The following PPM1G variants were observed in gnomAD, a reference collection of about 807,000 sequenced individuals.
The protein encoded by PPM1G is protein phosphatase 1G.
A neutral mutation model predicts 59.4 loss-of-function variants in PPM1G; 12 were observed. The ratio of observed to expected loss-of-function variants is 0.20; its 90% CI spans 0.13 to 0.33. PPM1G has a LOEUF of 0.33. PPM1G is among the 10% of genes least tolerant of loss of function. The pLI is 1.00. For missense variants in PPM1G, 392 were observed against 681.3 expected, an observed-to-expected ratio of 0.58 and a Z score of 4.73; for synonymous variants, 245 against 251.9, an observed-to-expected ratio of 0.97 and a Z score of 0.26.
intron 1 of PPM1G, among the ~76,000 whole-genome samples, chr2:27,392,525 C>A (rs1327426032): frequency 6.7e-6 from 1 of 149,768 alleles, no homozygotes; most frequent in Non-Finnish European, 1.5e-5. Context: ...AAACTCCCGA[C>A]CTCAGGTGAT....
In PPM1G at chr2:27,385,381, C is replaced by G. The variant is rs1411719028; in HGVS notation, c.410-293G>C. ...TAAAAACCCTATTCTGGCTGAGGAT[C>G]CAGGAAGCCCACAATGCTACTGTGA... On this transcript the variant is annotated intron_variant, in intron 4 of 9. Transcript: ENST00000344034. The surrounding 1 kb of genome is among the most constrained non-coding windows in gnomAD (Gnocchi z 4.1). 1.2e-5 allele frequency: 5 copies of G among 420,536 alleles called. No homozygotes were observed. Among genetic ancestry groups the G allele is most frequent in the East Asian group, 4.0e-5 (1 of 24,854 alleles). The allele number at this position is 420,536 out of a possible 1,614,324, so 26.1% of individuals were successfully genotyped here.
chr2:27,405,072 AT>A (rs781356301), intron 1 of PPM1G, among the ~76,000 whole-genome samples: 20 of 127,980 alleles, frequency 1.6e-4, no homozygotes, highest in East Asian at 2.3e-4. Flanking sequence ...AACCTACCTC[AT>A]TTTTTTTTTT....
chr2:27,394,763 AAG>A (rs1684004861), intron 1 of PPM1G, among the ~76,000 whole-genome samples: 2 of 150,584 alleles, frequency 1.3e-5, no homozygotes, highest in South Asian at 4.2e-4. Flanking sequence ...AAAAAAAAAA[AAG>A]ATATTCTTGC....
At chr2:27,405,745 T>C in intron 1 of PPM1G, among the ~76,000 whole-genome samples, 1 of 151,824 alleles carries the variant, frequency 6.6e-6, no homozygotes, top group East Asian at 2.0e-4. Context: ...CTGGGCATGG[T>C]GGCTCACAGC....
At position 27,383,958 on chromosome 2, in the gene PPM1G, T is replaced by C; in HGVS notation, c.960A>G (p.Lys320=). Residue 320 remains lysine (K), a synonymous_variant, in exon 6 of 10, where the codon AAA becomes AAG. Transcript: ENST00000344034. This position sits in a 1 kb window ranked among gnomAD's most constrained non-coding sequence, Gnocchi z 5.0. ...GCTCCCCTTCCCCACACACCTCCTCTTTGCCTTCCATCCCTGGCACCATCA... is the reference window on the plus strand; with the variant it reads ...GCTCCCCTTCCCCACACACCTCCTCCTTGCCTTCCATCCCTGGCACCATCA... ...EEMMVPGMEG[K]EEPGSDSGTT... The C allele has an allele frequency of 6.4e-7, 1 of 1,552,928 alleles. No individual in the cohort carries two copies. The highest frequency in any genetic ancestry group is 8.7e-7 in the Non-Finnish European group (1 of 1,147,434).
At chr2:27,394,298 A>C (rs1321568211) in intron 1 of PPM1G, among the ~76,000 whole-genome samples, 1 of 152,240 alleles carries the variant, frequency 6.6e-6, no homozygotes, top group East Asian at 1.9e-4. Flanking sequence ...TTTCATCTTC[A>C]GGAAACACAC....
At position 27,383,129 on chromosome 2, in the gene PPM1G, C is replaced by T. The variant is rs1572659524; in HGVS notation, c.1201+237G>A. Among the ~76,000 whole-genome samples the T allele has an allele frequency of 6.6e-6, 1 of 152,238 alleles. No individual in the cohort carries two copies. Among genetic ancestry groups the T allele is most frequent in the South Asian group, 2.1e-4 (1 of 4,816 alleles). On this transcript the variant is annotated intron_variant, in intron 7 of 9. Transcript: ENST00000344034. The surrounding 1 kb of genome is among the most constrained non-coding windows in gnomAD (Gnocchi z 5.0). ...GGGATTACAGGCGTGAGCCACCACGCCCGGCACTCACAGGTCTTTTTCATC... is the reference window on the plus strand; with the variant it reads ...GGGATTACAGGCGTGAGCCACCACGTCCGGCACTCACAGGTCTTTTTCATC...
intron 1 of PPM1G, among the ~76,000 whole-genome samples, chr2:27,394,741 TAAAAAAA>T (rs397868730): frequency 9.3e-6 from 1 of 107,920 alleles, no homozygotes; most frequent in African/African-American, 3.6e-5. Flanking sequence ...GACTCTGTCT[TAAAAAAA>T]AAAAAAAAAA....
chr2:27,386,320 C>A, intron 2 of PPM1G, 41 bp from the exon 3 acceptor site: 1 of 1,377,200 alleles, frequency 7.3e-7, no homozygotes, highest in South Asian at 1.2e-5. Context: ...GCACTGCTCC[C>A]CACACATAGA....
At chr2:27,390,372 G>T (rs546588816) in intron 1 of PPM1G, among the ~76,000 whole-genome samples, 1 of 152,104 alleles carries the variant, frequency 6.6e-6, no homozygotes, top group South Asian at 2.1e-4. Context: ...TTAAACTCCT[G>T]ATCTCAAATC....
intron 1 of PPM1G, chr2:27,392,900 T>A: frequency 1.4e-6 from 2 of 1,426,372 alleles, no homozygotes; most frequent in Non-Finnish European, 9.8e-7. Flanking sequence ...AATTCTTTGA[T>A]GGCCTTCACT....
In PPM1G at chr2:27,381,533, C is replaced by G; in HGVS notation, c.*66G>C. 6.3e-7 allele frequency: 1 copy of G among 1,592,000 alleles called. No homozygotes were observed. Among genetic ancestry groups the G allele is most frequent in the South Asian group, 1.1e-5 (1 of 90,398 alleles). ...CACTGCTAAGGCTAAAGGAAAAAGA[C>G]AAAACTCAGTCTCAGGTCCGGAGGG... On this transcript the variant is annotated 3_prime_UTR_variant, in exon 10 of 10. Coordinates refer to ENST00000344034, the MANE Select transcript of PPM1G (RefSeq NM_177983.3).
chr2:27,389,253 C>T (rs768714752), intron 1 of PPM1G, among the ~76,000 whole-genome samples: 6 of 151,684 alleles, frequency 4.0e-5, no homozygotes, highest in East Asian at 1.9e-4. Context: ...TATATATATA[C>T]ACACACACAT....
intron 1 of PPM1G, among the ~76,000 whole-genome samples, chr2:27,392,286 GTTTTTTTTTTTT>G (rs70953857): frequency 4.3e-5 from 3 of 70,420 alleles, no homozygotes; most frequent in South Asian, 4.7e-4. Flanking sequence ...GGTTTGTTTT[GTTTTTTTTTTTT>G]TTTTTTTTTT....
intron 1 of PPM1G, chr2:27,393,307 T>C: frequency 1.3e-6 from 2 of 1,597,662 alleles, no homozygotes; most frequent in Middle Eastern, 1.7e-4. Context: ...TGGCGGTTGA[T>C]GGCGGCCTCT....
At chr2:27,386,909 T>C (rs1195623149) in intron 2 of PPM1G, 180 bp downstream of exon 2, 1 of 531,398 alleles carries the variant, frequency 1.9e-6, no homozygotes. Context: ...GGTGAGATTA[T>C]AAACCAATAC....
chr2:27,395,224 ACT>A (rs1428459970), intron 1 of PPM1G, among the ~76,000 whole-genome samples: 20 of 140,710 alleles, frequency 1.4e-4, no homozygotes, highest in African/African-American at 4.3e-4. Context: ...ACAGAGTGAG[ACT>A]CTGTCTCAAA....
Position 27,382,754 on chromosome 2 carries a change from T to C in PPM1G, c.1202-149A>G. The C allele has an allele frequency of 1.0e-6, 1 of 979,552 alleles. No homozygotes were observed. The highest frequency in any genetic ancestry group is 1.5e-6 in the Non-Finnish European group (1 of 666,066). 60.7% of individuals were successfully genotyped at this position (979,552 alleles called of 1,614,324 possible). On this transcript the variant is annotated intron_variant, in intron 7 of 9. Coordinates refer to ENST00000344034, the MANE Select transcript of PPM1G (RefSeq NM_177983.3). This position sits in a 1 kb window ranked among gnomAD's most constrained non-coding sequence, Gnocchi z 4.2. The stretch of plus-strand genomic sequence containing the variant: ...ACTGAGTCCTAAGTCCTAGTTTTTC[T>C]AGTTTCAACCCTGCCACCAGACTGC...
chr2:27,399,264 A>G lies in PPM1G; in HGVS notation c.120+10039T>C, dbSNP rs1246313403. Among the ~76,000 whole-genome samples the G allele has an allele frequency of 3.9e-5, 6 of 152,348 alleles. No individual in the cohort carries two copies. In the East Asian group the frequency reaches 7.7e-4, roughly 20 times the overall value. ...TAACAAACTTGTATCCAAAACACAT[A>G]AAGAACTCTTACACATCAAAAGACA... On this transcript the variant is annotated intron_variant, in intron 1 of 9. Coordinates refer to ENST00000344034, the MANE Select transcript of PPM1G (RefSeq NM_177983.3).
Sources: allele counts gnomAD v4.1 joint callset (sites outside exome capture counted in the v4.1 genomes callset), GRCh38; gene constraint gnomAD v4.1.1; non-coding constraint Gnocchi (gnomAD v3.1); transcripts MANE v1.5; gene names NCBI Gene and HGNC (gene_info 2026-07-23, HGNC 2026-07-21).